CAMK1D: variants seen among roughly 807,000 people sequenced by gnomAD.
The protein encoded by CAMK1D is calcium/calmodulin dependent protein kinase ID, also known as calcium/calmodulin-dependent protein kinase type 1D.
CAMK1D carries 9 observed loss-of-function variants against 47.7 expected under a neutral mutation model. The observed-to-expected ratio is 0.19, with a 90% confidence interval of 0.11 to 0.33. The LOEUF (loss-of-function observed/expected upper bound fraction) is 0.33. CAMK1D is among the 10% of genes least tolerant of loss of function. The pLI is 1.00. For synonymous variants in CAMK1D, 184 were observed against 184.9 expected, an observed-to-expected ratio of 0.99 and a Z score of 0.04; for missense variants, 291 against 488.7, an observed-to-expected ratio of 0.60 and a Z score of 3.81.
chr10:12,765,919 T>C (rs1564545430), intron 4 of CAMK1D, among the ~76,000 whole-genome samples: 1 of 151,796 alleles, frequency 6.6e-6, no homozygotes, highest in African/African-American at 2.4e-5. Flanking sequence ...GGTGTGCCAT[T>C]TCCATAGGGC....
intron 3 of CAMK1D, among the ~76,000 whole-genome samples, chr10:12,709,348 G>T (rs1315014247): frequency 1.3e-5 from 2 of 151,878 alleles, no homozygotes; most frequent in Non-Finnish European, 2.9e-5. Flanking sequence ...TTGGTAAAGG[G>T]AGACAGTGGC....
At position 12,518,963 on chromosome 10, in the gene CAMK1D, C is replaced by T. The variant is rs1347327056; in HGVS notation, c.93-34262C>T. Among the ~76,000 whole-genome samples the T allele has an allele frequency of 5.5e-5, 7 of 126,898 alleles. No individual in the cohort carries two copies. The South Asian group carries it at 1.5e-3, about 27-fold the overall frequency. The allele number at this position is 126,898 out of a possible 152,430, so 83.3% of individuals were successfully genotyped here. Reference sequence around the variant, plus strand: ...TTCCCGCCTTTCTATTCCACAAAACCGCCATTGTCATCATGGCCCATCCCC... The same window carrying T: ...TTCCCGCCTTTCTATTCCACAAAACTGCCATTGTCATCATGGCCCATCCCC... On this transcript the variant is annotated intron_variant, in intron 1 of 10. Coordinates refer to ENST00000619168, the MANE Select transcript of CAMK1D (RefSeq NM_153498.4).
chr10:12,587,274 A>G (rs1263895825), intron 2 of CAMK1D, among the ~76,000 whole-genome samples: 3 of 152,178 alleles, frequency 2.0e-5, no homozygotes, highest in African/African-American at 7.2e-5. Context: ...GCTTTCCTAG[A>G]ATATACTCTG....
chr10:12,477,796 A>G (rs754465302), intron 1 of CAMK1D, among the ~76,000 whole-genome samples: 3 of 152,094 alleles, frequency 2.0e-5, no homozygotes, highest in Non-Finnish European at 2.9e-5. Context: ...GTGATTGACA[A>G]ACATCCACCG....
At chr10:12,373,126 C>T (rs188716891) in intron 1 of CAMK1D, among the ~76,000 whole-genome samples, 27 of 152,204 alleles carry the variant, frequency 1.8e-4, no homozygotes, top group African/African-American at 5.1e-4. Flanking sequence ...AGACGTGGTC[C>T]GCTTCTTCCT....
intron 1 of CAMK1D, among the ~76,000 whole-genome samples, chr10:12,479,981 A>G (rs1834015805): frequency 6.6e-6 from 1 of 152,170 alleles, no homozygotes; most frequent in Non-Finnish European, 1.5e-5. Flanking sequence ...AGACTAAAAA[A>G]AGGCCTAAGC....
At chr10:12,778,579 A>G (rs1246504725) in intron 5 of CAMK1D, among the ~76,000 whole-genome samples, 2 of 152,212 alleles carry the variant, frequency 1.3e-5, no homozygotes, top group African/African-American at 4.8e-5. Context: ...AAGCAACATT[A>G]AAATACAGGT....
intron 2 of CAMK1D, among the ~76,000 whole-genome samples, chr10:12,617,084 A>C (rs1838848134): frequency 6.6e-6 from 1 of 152,186 alleles, no homozygotes; most frequent in South Asian, 2.1e-4. Context: ...TCTCGTAAGC[A>C]AGGTGAGTGG....
At chr10:12,788,156 G>A (rs752973239) in intron 5 of CAMK1D, among the ~76,000 whole-genome samples, 24 of 152,244 alleles carry the variant, frequency 1.6e-4, no homozygotes, top group South Asian at 2.1e-4. Context: ...CAACCATGCT[G>A]TTATCCAAAG....
At chr10:12,737,379 A>T (rs1203087423) in intron 3 of CAMK1D, among the ~76,000 whole-genome samples, 1 of 152,058 alleles carries the variant, frequency 6.6e-6, no homozygotes, top group Non-Finnish European at 1.5e-5. Context: ...TTCTGCCCAA[A>T]GTGCTGTGTC....
At chr10:12,507,662 C>T (rs1412975733) in intron 1 of CAMK1D, among the ~76,000 whole-genome samples, 2 of 152,254 alleles carry the variant, frequency 1.3e-5, no homozygotes, top group East Asian at 3.9e-4. Flanking sequence ...TGCGGATGGG[C>T]TTGTGGTGTC....
chr10:12,517,193 G>A (rs895980578), intron 1 of CAMK1D, among the ~76,000 whole-genome samples: 3 of 152,102 alleles, frequency 2.0e-5, no homozygotes, highest in Admixed American at 6.5e-5. Flanking sequence ...TTCATTGCTC[G>A]TATATAGAAA....
chr10:12,380,633 G>A (rs978812062), intron 1 of CAMK1D, among the ~76,000 whole-genome samples: 11 of 152,086 alleles, frequency 7.2e-5, no homozygotes, highest in Non-Finnish European at 1.5e-4. Flanking sequence ...CAAGGCGGGC[G>A]GATCACGAGG....
intron 1 of CAMK1D, among the ~76,000 whole-genome samples, chr10:12,417,483 G>A (rs1175847885): frequency 6.6e-6 from 1 of 152,224 alleles, no homozygotes; most frequent in Admixed American, 6.5e-5. Context: ...TTGTTTAGGT[G>A]GCATCCAGCC....
intron 1 of CAMK1D, among the ~76,000 whole-genome samples, chr10:12,484,125 G>A (rs1005335232): frequency 3.9e-5 from 6 of 152,292 alleles, no homozygotes; most frequent in East Asian, 3.9e-4. Context: ...TTCACTGCGC[G>A]CATCCAAGTG....
chr10:12,749,639 A>G (rs1835856367), intron 3 of CAMK1D, among the ~76,000 whole-genome samples: 1 of 151,808 alleles, frequency 6.6e-6, no homozygotes, highest in Non-Finnish European at 1.5e-5. Context: ...GCTCACTGCA[A>G]CTTCTGCCTC....
chr10:12,580,835 A>G (rs530912668), intron 2 of CAMK1D, among the ~76,000 whole-genome samples: 7 of 152,346 alleles, frequency 4.6e-5, no homozygotes, highest in Admixed American at 4.6e-4. Flanking sequence ...ATCAGCTAAC[A>G]TATATTTATT....
intron 1 of CAMK1D, among the ~76,000 whole-genome samples, chr10:12,416,644 G>A (rs1839858689): frequency 6.6e-6 from 1 of 152,252 alleles, no homozygotes; most frequent in South Asian, 2.1e-4. Flanking sequence ...TGGAATTGCT[G>A]TAAGGCCGGG....
chr10:12,418,021 C>G (rs758398174), intron 1 of CAMK1D, among the ~76,000 whole-genome samples: 1 of 152,138 alleles, frequency 6.6e-6, no homozygotes, highest in Non-Finnish European at 1.5e-5. Context: ...AGGCTGGTCT[C>G]GAACTCCTGA....
Sources: gnomAD v4.1 joint callset for allele counts (sites outside exome capture counted in the v4.1 genomes callset) on GRCh38, gnomAD v4.1.1 for gene constraint, MANE v1.5 for transcripts, NCBI Gene and HGNC (gene_info 2026-07-23, HGNC 2026-07-21) for gene names.